Variants in VAV2 observed in about 807,000 individuals in gnomAD.
VAV2 encodes the protein guanine nucleotide exchange factor VAV2.
Under a neutral mutation model 132.5 loss-of-function variants are expected in VAV2, and 67 were observed. The observed-to-expected ratio is 0.51, with a 90% CI of 0.42 to 0.62. The LOEUF is 0.62. VAV2 is among the 20% of genes least tolerant of loss of function. The probability of loss-of-function intolerance (pLI) is 0.00; values close to 1 mark genes in which losing one functional copy is unlikely to be tolerated. For synonymous variants in VAV2, 492 were observed against 443.5 expected (o/e 1.11, Z -1.37); for missense variants, 938 against 1,153.6 (o/e 0.81, Z 2.71).
At chr9:133,974,728 G>A (rs553942718) in intron 1 of VAV2, among the ~76,000 whole-genome samples, 7 of 152,146 alleles carry the variant, frequency 4.6e-5, no homozygotes, top group South Asian at 4.2e-4. Context: ...CACTCCCTGC[G>A]CCCTGCACCC....
At chr9:133,985,112 CATAA>C (rs1284019827) in intron 1 of VAV2, among the ~76,000 whole-genome samples, 1 of 152,064 alleles carries the variant, frequency 6.6e-6, no homozygotes, top group Non-Finnish European at 1.5e-5. Context: ...GAGACACATA[CATAA>C]ATAAATACAT....
At chr9:133,870,941 T>C (rs1185843563) in intron 2 of VAV2, among the ~76,000 whole-genome samples, 22 of 37,694 alleles carry the variant, frequency 5.8e-4, no homozygotes, top group Non-Finnish European at 1.0e-3. Context: ...AGTGGATGGA[T>C]GGGCAGATGG....
At chr9:133,934,243 A>G (rs1840823198) in intron 2 of VAV2, among the ~76,000 whole-genome samples, 1 of 152,184 alleles carries the variant, frequency 6.6e-6, no homozygotes, top group Non-Finnish European at 1.5e-5. Flanking sequence ...CTGTTTAGAA[A>G]ATGAATGACA....
At chr9:133,988,970 G>C (rs1231087315) in intron 1 of VAV2, among the ~76,000 whole-genome samples, 1 of 152,210 alleles carries the variant, frequency 6.6e-6, no homozygotes, top group African/African-American at 2.4e-5. Context: ...CCAACACTTA[G>C]GGAGGCCTAG....
In VAV2 at chr9:133,992,311, G is replaced by A. The variant is rs936173791; in HGVS notation, c.-33C>T. ...GCGGGCCCGACCGGCTCAGGGCAGT[G>A]CTCGAGCCAAAGTGCAGCGGCCGCG... is the stretch of plus-strand genomic sequence containing the variant. On this transcript the variant is annotated 5_prime_UTR_variant, in exon 1 of 30. Transcript: ENST00000371850. The surrounding 1 kb of genome is among the most constrained non-coding windows in gnomAD (Gnocchi z 5.5). The A allele has an allele frequency of 9.8e-6, 13 of 1,328,698 alleles. No homozygotes were observed. The African/African-American group carries it at 1.8e-4, about 19-fold the overall frequency. The allele number at this position is 1,328,698 out of a possible 1,614,324, so 82.3% of individuals were successfully genotyped here.
chr9:133,966,646 A>G (rs2132241241), intron 1 of VAV2, among the ~76,000 whole-genome samples: 1 of 152,262 alleles, frequency 6.6e-6, no homozygotes, highest in Middle Eastern at 3.4e-3. Context: ...GGCTGCAGTG[A>G]GCTGTGATCA....
At chr9:133,882,947 T>C (rs1032250140) in intron 2 of VAV2, among the ~76,000 whole-genome samples, 3 of 152,094 alleles carry the variant, frequency 2.0e-5, no homozygotes, top group African/African-American at 4.8e-5. Flanking sequence ...CGGTGTGCTG[T>C]GACTGCAGGG....
intron 18 of VAV2, among the ~76,000 whole-genome samples, chr9:133,784,008 G>A (rs1395366470): frequency 1.3e-5 from 2 of 151,604 alleles, no homozygotes; most frequent in African/African-American, 4.8e-5. Context: ...AGCCTCCCGA[G>A]TAGCTGGGGC....
In VAV2 at chr9:133,846,343, T is replaced by G. The variant is rs576465902; in HGVS notation, c.381-12003A>C. 2.6e-5 allele frequency among the ~76,000 whole-genome samples: 4 copies of G among 152,258 alleles called. No homozygotes were observed. The East Asian group carries it at 7.7e-4, about 29-fold the overall frequency. On this transcript the variant is annotated intron_variant, in intron 3 of 29. Transcript: ENST00000371850. The stretch of plus-strand genomic sequence containing the variant: ...ACCTCCTGTTGGCTACCAGCCCCGC[T>G]CACCCTCTTCCTGCTATCCCGACCC...
At chr9:133,900,206 C>T (rs7874428) in intron 2 of VAV2, among the ~76,000 whole-genome samples, 2 of 151,476 alleles carry the variant, frequency 1.3e-5, no homozygotes, top group African/African-American at 2.4e-5. Context: ...CTCAAAAAAA[C>T]CAAAGAAGAA....
At chr9:133,864,303 A>T (rs982655885) in intron 2 of VAV2, among the ~76,000 whole-genome samples, 2 of 152,112 alleles carry the variant, frequency 1.3e-5, no homozygotes, top group African/African-American at 4.8e-5. Context: ...ACTCAAAACG[A>T]CCAGGCATGC....
At chr9:133,971,231 G>A (rs887591085) in intron 1 of VAV2, among the ~76,000 whole-genome samples, 1 of 152,138 alleles carries the variant, frequency 6.6e-6, no homozygotes. Flanking sequence ...GAGGCCTGTC[G>A]GGGGCAGGGA....
intron 15 of VAV2, among the ~76,000 whole-genome samples, chr9:133,787,733 C>G (rs980640881): frequency 1.3e-5 from 2 of 152,124 alleles, no homozygotes; most frequent in African/African-American, 4.8e-5. Context: ...GGTCCTGCCC[C>G]ACAGCAGCTT....
intron 1 of VAV2, 122 bp from the exon 2 acceptor site, chr9:133,939,341 C>T: frequency 1.1e-6 from 1 of 885,336 alleles, no homozygotes; most frequent in African/African-American, 1.6e-5. Context: ...CAAGCTCATT[C>T]CTGTTTTCTC....
intron 3 of VAV2, among the ~76,000 whole-genome samples, chr9:133,859,555 T>C (rs540253980): frequency 6.6e-6 from 1 of 152,318 alleles, no homozygotes; most frequent in East Asian, 1.9e-4. Context: ...AAGTCTAGTA[T>C]TTTGTGCAGG....
In VAV2 at chr9:133,768,725, A is replaced by T; in HGVS notation, c.2435-129T>A. 8.1e-7 allele frequency: 1 copy of T among 1,233,756 alleles called. No individual in the cohort carries two copies. Among genetic ancestry groups the T allele is most frequent in the East Asian group, 2.6e-5 (1 of 38,690 alleles). The allele number at this position is 1,233,756 out of a possible 1,614,324, so 76.4% of individuals were successfully genotyped here. On this transcript the variant is annotated intron_variant, in intron 28 of 29. Coordinates refer to ENST00000371850, the MANE Select transcript of VAV2 (RefSeq NM_001134398.2). This position sits in a 1 kb window ranked among gnomAD's most constrained non-coding sequence, Gnocchi z 5.3. ...CCTGCTCTGTACCCAGAGAGGAAGGATGTCAAGCAGAAAGGCTCTGGAGGG... is the reference window on the plus strand; with the variant it reads ...CCTGCTCTGTACCCAGAGAGGAAGGTTGTCAAGCAGAAAGGCTCTGGAGGG...
chr9:133,810,861 C>A (rs1835332345), intron 5 of VAV2, among the ~76,000 whole-genome samples: 1 of 152,248 alleles, frequency 6.6e-6, no homozygotes, highest in African/African-American at 2.4e-5. Context: ...CACAACCTCA[C>A]AGGCAACGCA....
rs1195317034 is a variant in VAV2 at position 133,895,934 on chromosome 9, T to TGGGAGCGCGAGGCA, written c.322-34503_322-34502insTGCCTCGCGCTCCC. ...TTGGCAGCCACACTAAAATCTTTTT[T>TGGGAGCGCGAGGCA]TTTTTTTTTTTTTTTAATTGATCAT... On this transcript the variant is annotated intron_variant, in intron 2 of 29. Coordinates refer to ENST00000371850, the MANE Select transcript of VAV2 (RefSeq NM_001134398.2). Among the ~76,000 whole-genome samples, 77 of 134,682 alleles carry TGGGAGCGCGAGGCA rather than the reference T, an allele frequency of 5.7e-4. 2 individuals carry two copies. The highest frequency in any genetic ancestry group is 1.0e-3 in the East Asian group (5 of 4,866). 88.4% of individuals were successfully genotyped at this position (134,682 alleles called of 152,430 possible).
At position 133,788,294 on chromosome 9, in the gene VAV2, T is replaced by C; in HGVS notation, c.1407+60A>G. The C allele has an allele frequency of 7.2e-7, 1 of 1,387,204 alleles. No individual in the cohort carries two copies. Among genetic ancestry groups the C allele is most frequent in the African/African-American group, 1.5e-5 (1 of 68,448 alleles). 85.9% of individuals were successfully genotyped at this position (1,387,204 alleles called of 1,614,324 possible). ...CCTTCCCCTGGGGTCTGGAACCCAGTGCCTCTCTCCAGGCCACCCCCACGT... is the reference window on the plus strand; with the variant it reads ...CCTTCCCCTGGGGTCTGGAACCCAGCGCCTCTCTCCAGGCCACCCCCACGT... On this transcript the variant is annotated intron_variant, in intron 15 of 29. Transcript: ENST00000371850. The surrounding 1 kb of genome is among the most constrained non-coding windows in gnomAD (Gnocchi z 5.3).
Sources: allele counts gnomAD v4.1 joint callset (sites outside exome capture counted in the v4.1 genomes callset), GRCh38; gene constraint gnomAD v4.1.1; non-coding constraint Gnocchi (gnomAD v3.1); transcripts MANE v1.5; gene names NCBI Gene and HGNC (gene_info 2026-07-23, HGNC 2026-07-21).